POPDC1: variants seen among roughly 807,000 people sequenced by gnomAD.
POPDC1 encodes popeye domain cAMP effector 1.
chr6:105,118,653 T>C, the POPDC1 span, among the ~76,000 whole-genome samples: 3 of 152,292 alleles, frequency 2.0e-5, no homozygotes, highest in South Asian at 2.1e-4. Context: ...TTGACAACTA[T>C]AGAACAGGGG....
chr6:105,124,164 T>C, the POPDC1 span, among the ~76,000 whole-genome samples: 2 of 151,896 alleles, frequency 1.3e-5, no homozygotes, highest in African/African-American at 2.4e-5. Context: ...AGGCAGATCA[T>C]GAGGTGAAGA....
the POPDC1 span, among the ~76,000 whole-genome samples, chr6:105,113,938 C>A: frequency 6.6e-6 from 1 of 151,218 alleles, no homozygotes; most frequent in African/African-American, 2.4e-5. Flanking sequence ...TCCCATCCCC[C>A]CCGCCACACA....
the POPDC1 span, among the ~76,000 whole-genome samples, chr6:105,120,781 G>A: frequency 6.6e-6 from 1 of 152,210 alleles, no homozygotes; most frequent in Non-Finnish European, 1.5e-5. Context: ...GCTAGAATCA[G>A]AAACCGCAGT....
chr6:105,108,570 G>A, the POPDC1 span, among the ~76,000 whole-genome samples: 1 of 152,188 alleles, frequency 6.6e-6, no homozygotes, highest in Admixed American at 6.5e-5. Flanking sequence ...TGAATAAGAT[G>A]TGTCCCACAA....
At chr6:105,135,101 G>C in the POPDC1 span, among the ~76,000 whole-genome samples, 2 of 151,998 alleles carry the variant, frequency 1.3e-5, no homozygotes, top group African/African-American at 4.8e-5. Context: ...CTATCATTTC[G>C]ACAGCACTGT....
chr6:105,130,308 A>T, the POPDC1 span, among the ~76,000 whole-genome samples: 1 of 152,106 alleles, frequency 6.6e-6, no homozygotes. Flanking sequence ...ACCATAATTT[A>T]TTTAACCATC....
At chr6:105,131,634 T>G in the POPDC1 span, among the ~76,000 whole-genome samples, 1 of 152,136 alleles carries the variant, frequency 6.6e-6, no homozygotes, top group Non-Finnish European at 1.5e-5. Flanking sequence ...CAGGCTGGTT[T>G]TGAACTCCTG....
At chr6:105,101,232 G>A in the POPDC1 span, 5 of 1,594,630 alleles carry the variant, frequency 3.1e-6, no homozygotes, top group East Asian at 6.8e-5. Context: ...AGATACAGGA[G>A]GGAAAACCAC....
At chr6:105,110,265 T>G in the POPDC1 span, among the ~76,000 whole-genome samples, 1,503 of 152,320 alleles carry the variant, frequency 9.9e-3, 29 homozygotes, top group African/African-American at 0.034. Flanking sequence ...CAAACAAGTT[T>G]ATGCTCACAT....
the POPDC1 span, among the ~76,000 whole-genome samples, chr6:105,110,335 A>C: frequency 3.9e-5 from 6 of 152,234 alleles, no homozygotes; most frequent in South Asian, 4.1e-4. Flanking sequence ...TTCTCTAGCC[A>C]TCTTGGTAGG....
At chr6:105,126,354 C>T in the POPDC1 span, among the ~76,000 whole-genome samples, 1 of 151,702 alleles carries the variant, frequency 6.6e-6, no homozygotes, top group Non-Finnish European at 1.5e-5. Flanking sequence ...ATTACTTGAG[C>T]CCAGAAGTTT....
chr6:105,112,263 C>CAG, the POPDC1 span, among the ~76,000 whole-genome samples: 5 of 152,178 alleles, frequency 3.3e-5, no homozygotes, highest in South Asian at 4.2e-4. Context: ...GACAGAGAGA[C>CAG]AGAGAGAGAT....
At chr6:105,096,855 C>T in the POPDC1 span, 1 of 152,526 alleles carries the variant, frequency 6.6e-6, no homozygotes, top group Non-Finnish European at 1.5e-5. Flanking sequence ...GATCAAATGG[C>T]AATATATGAA....
At chr6:105,125,457 C>T in the POPDC1 span, 1 of 1,614,174 alleles carries the variant, frequency 6.2e-7, no homozygotes, top group East Asian at 2.2e-5. Flanking sequence ...ATAAGTTTGG[C>T]CCTTTTTCAA....
At chr6:105,107,392 G>T in the POPDC1 span, among the ~76,000 whole-genome samples, 1 of 152,178 alleles carries the variant, frequency 6.6e-6, no homozygotes, top group Non-Finnish European at 1.5e-5. Flanking sequence ...CTAATTACAG[G>T]AGAGCCTGAA....
chr6:105,107,414 G>A, the POPDC1 span, among the ~76,000 whole-genome samples: 1 of 152,110 alleles, frequency 6.6e-6, no homozygotes, highest in Non-Finnish European at 1.5e-5. Context: ...GCCTCTCCTA[G>A]GAAGTAAAAG....
chr6:105,100,354 A>ATAT, the POPDC1 span: 1 of 140,044 alleles, frequency 7.1e-6, no homozygotes, highest in Non-Finnish European at 1.6e-5. Flanking sequence ...CTAAAAATAC[A>ATAT]AAAAAATTAG....
chr6:105,131,326 T>A, the POPDC1 span, among the ~76,000 whole-genome samples: 1 of 152,178 alleles, frequency 6.6e-6, no homozygotes, highest in East Asian at 1.9e-4. Flanking sequence ...AGGTATATAA[T>A]GGGAGGATAG....
At chr6:105,099,130 A>C in the POPDC1 span, 1 of 152,214 alleles carries the variant, frequency 6.6e-6, no homozygotes, top group Non-Finnish European at 1.5e-5. Flanking sequence ...AAGTGCTGTG[A>C]TTACATGTGT....
Sources: gnomAD v4.1 joint callset for allele counts (sites outside exome capture counted in the v4.1 genomes callset) on GRCh38, gnomAD v4.1.1 for gene constraint, MANE v1.5 for transcripts, NCBI Gene and HGNC (gene_info 2026-07-23, HGNC 2026-07-21) for gene names.